The following MIDEAS variants were observed in gnomAD, a reference collection of about 807,000 sequenced individuals.
MIDEAS encodes mitotic deacetylase-associated SANT domain protein.
MIDEAS carries 26 observed loss-of-function variants against 102.7 expected under a neutral mutation model. That is an observed-to-expected ratio of 0.25 (90% confidence interval 0.19 to 0.35). The LOEUF is 0.35. Among genes scored for constraint, MIDEAS ranks in the 10% least tolerant of loss-of-function variants. The pLI is 1.00. For synonymous variants in MIDEAS, 585 were observed against 591.0 expected, an observed-to-expected ratio of 0.99 and a Z score of 0.15; for missense variants, 1,231 against 1,435.6, an observed-to-expected ratio of 0.86 and a Z score of 2.30.
At chr14:73,736,713 A>C (rs2140118642) in intron 3 of MIDEAS, among the ~76,000 whole-genome samples, 1 of 152,206 alleles carries the variant, frequency 6.6e-6, no homozygotes, top group Non-Finnish European at 1.5e-5. Context: ...GCACGGGCCA[A>C]ATCAGAATTT....
In MIDEAS at chr14:73,742,805, G is replaced by A. The variant is rs1295083264; in HGVS notation, c.-247-2550C>T. Among the ~76,000 whole-genome samples the A allele has an allele frequency of 6.6e-6, 1 of 152,152 alleles. No individual in the cohort carries two copies. Among genetic ancestry groups the A allele is most frequent in the African/African-American group, 2.4e-5 (1 of 41,418 alleles). On this transcript the variant is annotated intron_variant, in intron 1 of 12. Coordinates refer to ENST00000423556, the MANE Select transcript of MIDEAS (RefSeq NM_001367710.1). The surrounding 1 kb of genome is among the most constrained non-coding windows in gnomAD (Gnocchi z 4.4). Reference sequence around the variant, plus strand: ...AGAAAGGTCATCGGCTGGGGGTGGGGAGAAGAGTGGAAGATACTGGCAGCC... The same window carrying A: ...AGAAAGGTCATCGGCTGGGGGTGGGAAGAAGAGTGGAAGATACTGGCAGCC...
Position 73,725,904 on chromosome 14 carries a change from G to A in MIDEAS, c.2485+129C>T. 1 of 792,148 alleles carries A rather than the reference G, an allele frequency of 1.3e-6. No individual in the cohort carries two copies. The highest frequency in any genetic ancestry group is 2.1e-6 in the Non-Finnish European group (1 of 480,642). 49.1% of individuals were successfully genotyped at this position (792,148 alleles called of 1,614,324 possible). A position where few individuals can be genotyped will look rare whatever the true frequency, so the allele number is the denominator to read the frequency against. ...GCTTTGGTGGCAGTTCCCTCACTCT[G>A]ACTCTTGGCTTATCTACCCTCCTCC... On this transcript the variant is annotated intron_variant, in intron 8 of 12. Coordinates refer to ENST00000423556, the MANE Select transcript of MIDEAS (RefSeq NM_001367710.1). The surrounding 1 kb of genome is among the most constrained non-coding windows in gnomAD (Gnocchi z 4.1).
chr14:73,731,717 C>T (rs190973077), intron 3 of MIDEAS, among the ~76,000 whole-genome samples: 107 of 152,278 alleles, frequency 7.0e-4, no homozygotes, highest in Middle Eastern at 3.4e-3. Flanking sequence ...TGGAATGACA[C>T]GATGTCTCAG....
chr14:73,738,936 C>G lies in MIDEAS; in HGVS notation c.1073G>C (p.Ser358Thr). The G allele has an allele frequency of 6.5e-7, 1 of 1,527,522 alleles. No homozygotes were observed. The highest frequency in any genetic ancestry group is 1.3e-5 in the South Asian group (1 of 76,396). The allele number at this position is 1,527,522 out of a possible 1,614,324, so 94.6% of individuals were successfully genotyped here. Residue 358 changes from serine to threonine, a missense_variant, in exon 2 of 13, where the codon AGC (serine) becomes ACC (threonine). This residue lies in a region of MIDEAS where 758 missense variants were observed against 856.0 expected (regional missense o/e 0.89). Coordinates refer to ENST00000423556, the MANE Select transcript of MIDEAS (RefSeq NM_001367710.1). ...RLSKEGILPP[S>T]ALDGAGTQPG... is the part of the protein sequence containing the mutation. The stretch of plus-strand genomic sequence containing the variant: ...CTGGGTGCCAGCCCCATCCAGGGCG[C>G]TGGGAGGCAGGATACCCTCCTTAGA...
chr14:73,774,728 G>C lies in MIDEAS; in HGVS notation c.-248+12374C>G, dbSNP rs148177821. ...TCTTGCTGACAGGCCCAAGCAAATAGCAGAGACACCAAGGTGGCAGCCCCA... is the reference window on the plus strand; with the variant it reads ...TCTTGCTGACAGGCCCAAGCAAATACCAGAGACACCAAGGTGGCAGCCCCA... On this transcript the variant is annotated intron_variant, in intron 1 of 11. Transcript: ENST00000394071. Among the ~76,000 whole-genome samples, 81 of 151,982 alleles carry C rather than the reference G, an allele frequency of 5.3e-4. 1 individual carries two copies. The highest frequency in any genetic ancestry group is 1.8e-3 in the African/African-American group (75 of 41,522).
At chr14:73,731,786 T>G (rs1271413687) in intron 3 of MIDEAS, among the ~76,000 whole-genome samples, 1 of 152,232 alleles carries the variant, frequency 6.6e-6, no homozygotes, top group Non-Finnish European at 1.5e-5. Flanking sequence ...GAAACAAGAT[T>G]GGCTATGTTT....
Position 73,725,678 on chromosome 14 carries a change from C to T in MIDEAS, c.2486-318G>A, listed in dbSNP as rs1236348586. ...CATTGGCTGTTAGGATTATGTGACT[C>T]GGTCCATGTCCTTCTTAAAGTGACC... is the stretch of plus-strand genomic sequence containing the variant. On this transcript the variant is annotated intron_variant, in intron 8 of 12. Coordinates refer to ENST00000423556, the MANE Select transcript of MIDEAS (RefSeq NM_001367710.1). The surrounding 1 kb of genome is among the most constrained non-coding windows in gnomAD (Gnocchi z 4.1). 3.3e-5 allele frequency among the ~76,000 whole-genome samples: 5 copies of T among 152,228 alleles called. No homozygotes were observed. Among genetic ancestry groups the T allele is most frequent in the African/African-American group, 7.2e-5 (3 of 41,454 alleles).
intron 1 of MIDEAS, among the ~76,000 whole-genome samples, chr14:73,752,507 T>C (rs748578200): frequency 6.6e-6 from 1 of 151,894 alleles, no homozygotes; most frequent in Admixed American, 6.6e-5. Context: ...TGTCTGGCAG[T>C]GTAGTGTGAG....
chr14:73,721,731 G>A, intron 10 of MIDEAS: 1 of 536,486 alleles, frequency 1.9e-6, no homozygotes, highest in Non-Finnish European at 3.4e-6. Context: ...AGAGAACGAG[G>A]GGCAAGGAGG....
chr14:73,743,293 C>T (rs17782157), intron 1 of MIDEAS, among the ~76,000 whole-genome samples: 34,730 of 152,158 alleles, frequency 0.23, 4,997 homozygotes, highest in Non-Finnish European at 0.33. Flanking sequence ...CAGGTACTCT[C>T]TCCCATTCTC....
At chr14:73,766,799 C>T (rs2053595064) in intron 1 of MIDEAS, among the ~76,000 whole-genome samples, 2 of 151,032 alleles carry the variant, frequency 1.3e-5, no homozygotes, top group South Asian at 2.1e-4. Context: ...ATCATCTGCC[C>T]GTCTCAGCCT....
At chr14:73,782,624 C>G (rs2053767354) in intron 1 of MIDEAS, among the ~76,000 whole-genome samples, 1 of 152,250 alleles carries the variant, frequency 6.6e-6, no homozygotes, top group Non-Finnish European at 1.5e-5. Context: ...GCCACCGCAC[C>G]TGGCTGTCTT....
chr14:73,761,891 C>T (rs2053558216), upstream of MIDEAS, among the ~76,000 whole-genome samples: 1 of 152,198 alleles, frequency 6.6e-6, no homozygotes, highest in South Asian at 2.1e-4. Context: ...GCTCCTCCCC[C>T]AGAGGAAGGC....
At position 73,726,859 on chromosome 14, in the gene MIDEAS, A is replaced by G. The variant is rs765686985; in HGVS notation, c.2276T>C (p.Leu759Pro). ...ADLVWQPWED[L>P]ESSREKQRQV... ...CCTCTGCTTCTCCCGGCTGCTCTCT[A>G]GGTCCTCCCATGGCTGCCACACCAA... The change falls in exon 6 of 13, where the codon CTA (leucine) becomes CCA (proline). Residue 759 changes from leucine (L) to proline (P), a missense_variant. Coordinates refer to ENST00000423556, the MANE Select transcript of MIDEAS (RefSeq NM_001367710.1). 2 of 1,612,242 alleles carry G rather than the reference A, an allele frequency of 1.2e-6. No individual in the cohort carries two copies. Among genetic ancestry groups the G allele is most frequent in the Non-Finnish European group, 1.7e-6 (2 of 1,178,698 alleles).
chr14:73,774,288 T>G (rs894934306), intron 1 of MIDEAS, among the ~76,000 whole-genome samples: 4 of 151,810 alleles, frequency 2.6e-5, no homozygotes, highest in Non-Finnish European at 5.9e-5. Flanking sequence ...ATCCCTGCTT[T>G]GGGGCTCCCA....
rs1466912103 is a variant in MIDEAS, at chr14:73,759,744, G to C, written c.-248+19C>G. The C allele has an allele frequency of 4.0e-5, 6 of 151,714 alleles. No homozygotes were observed. The highest frequency in any genetic ancestry group is 1.3e-4 in the Admixed American group (2 of 15,246). The allele number at this position is 151,714 out of a possible 1,614,324, so 9.4% of individuals were successfully genotyped here. ...CGCCGCGTGCAGGCCTCGGCCGCCG[G>C]CCAGGCAGCCCCACTTACCCAGCTC... On this transcript the variant is annotated intron_variant, in intron 1 of 12. Coordinates refer to ENST00000423556, the MANE Select transcript of MIDEAS (RefSeq NM_001367710.1). This position sits in a 1 kb window ranked among gnomAD's most constrained non-coding sequence, Gnocchi z 6.7.
At position 73,781,734 on chromosome 14, in the gene MIDEAS, C is replaced by CAAAAAAA. The variant is rs72374466; in HGVS notation, c.-248+5361_-248+5367dup. 6.8e-5 allele frequency among the ~76,000 whole-genome samples: 5 copies of CAAAAAAA among 73,550 alleles called. 1 individual carries two copies. Among genetic ancestry groups the CAAAAAAA allele is most frequent in the African/African-American group, 1.8e-4 (3 of 16,318 alleles). 48.3% of individuals were successfully genotyped at this position (73,550 alleles called of 152,430 possible). On this transcript the variant is annotated intron_variant, in intron 1 of 11. Coordinates refer to the MIDEAS transcript ENST00000394071. The stretch of plus-strand genomic sequence containing the variant: ...GGGCAACAAGAGCGAAACTCTGTCT[C>CAAAAAAA]AAAAAAAAAAAAAAAAAAAAAACTG...
At chr14:73,751,009 T>G (rs759237985) in intron 1 of MIDEAS, among the ~76,000 whole-genome samples, 27 of 152,190 alleles carry the variant, frequency 1.8e-4, no homozygotes, top group Non-Finnish European at 2.8e-4. Context: ...CACAGAAAGG[T>G]AGATATTATC....
upstream of MIDEAS, among the ~76,000 whole-genome samples, chr14:73,789,466 G>A (rs554935604): frequency 2.0e-5 from 3 of 152,186 alleles, no homozygotes; most frequent in South Asian, 4.1e-4. Flanking sequence ...GGCCTCCCTC[G>A]GGCCCTTCAG....
Sources: allele counts gnomAD v4.1 joint callset (sites outside exome capture counted in the v4.1 genomes callset), GRCh38; gene constraint gnomAD v4.1.1; regional missense constraint gnomAD v4.1.1; non-coding constraint Gnocchi (gnomAD v3.1); transcripts MANE v1.5; gene names NCBI Gene and HGNC (gene_info 2026-07-23, HGNC 2026-07-21).